The following CLVS1 variants were observed in gnomAD, a reference collection of about 807,000 sequenced individuals.
The protein encoded by CLVS1 is clavesin-1.
CLVS1 carries 10 observed loss-of-function variants against 33.1 expected under a neutral mutation model. The ratio of observed to expected loss-of-function variants is 0.30; its 90% CI spans 0.19 to 0.51. The LOEUF is 0.51. CLVS1 is among the 20% of genes least tolerant of loss of function. CLVS1 has a pLI of 0.97. For synonymous variants in CLVS1, 163 were observed against 166.1 expected, an observed-to-expected ratio of 0.98 and a Z score of 0.14; for missense variants, 343 against 433.4, an observed-to-expected ratio of 0.79 and a Z score of 1.85.
chr8:61,088,935 G>A (rs779061490), intron 1 of CLVS1, among the ~76,000 whole-genome samples: 5 of 151,832 alleles, frequency 3.3e-5, no homozygotes, highest in Non-Finnish European at 7.4e-5. Context: ...CCAAGTAGCT[G>A]GGACTACAGG....
intron 3 of CLVS1, among the ~76,000 whole-genome samples, chr8:61,386,764 A>T (rs1814101897): frequency 6.6e-6 from 1 of 152,218 alleles, no homozygotes; most frequent in South Asian, 2.1e-4. Flanking sequence ...GATGATGGTA[A>T]TGATGATCAT....
At position 61,068,245 on chromosome 8, in the gene CLVS1, A is replaced by ATG. The variant is rs536032046; in HGVS notation, c.-243+11016_-243+11017insGT. 3.4e-3 allele frequency among the ~76,000 whole-genome samples: 501 copies of ATG among 146,864 alleles called. 7 individuals carry two copies. Among genetic ancestry groups the ATG allele is most frequent in the African/African-American group, 0.012 (464 of 39,886 alleles). The stretch of plus-strand genomic sequence containing the variant: ...TATGTATGTGTATATATATATATAT[A>ATG]TATGTATATATATACATACATACAC... On this transcript the variant is annotated intron_variant, in intron 1 of 2. Transcript: ENST00000522621.
chr8:61,295,403 T>C (rs1179306034), intron 1 of CLVS1, among the ~76,000 whole-genome samples: 1 of 152,074 alleles, frequency 6.6e-6, no homozygotes, highest in Non-Finnish European at 1.5e-5. Context: ...CAAAAATTAG[T>C]GAATGCTGGA....
chr8:61,312,029 G>C (rs979377506), intron 2 of CLVS1, among the ~76,000 whole-genome samples: 3 of 152,232 alleles, frequency 2.0e-5, no homozygotes, highest in African/African-American at 7.2e-5. Flanking sequence ...CTGAATGAAT[G>C]CATTGCAAGT....
At chr8:61,214,040 C>G (rs1046881220) in intron 2 of CLVS1, among the ~76,000 whole-genome samples, 1 of 152,174 alleles carries the variant, frequency 6.6e-6, no homozygotes, top group East Asian at 1.9e-4. Context: ...AGACCCCAGT[C>G]TCCCATAGCG....
chr8:61,345,651 T>A (rs2129598540), intron 2 of CLVS1, among the ~76,000 whole-genome samples: 2 of 151,838 alleles, frequency 1.3e-5, no homozygotes, highest in Non-Finnish European at 2.9e-5. Flanking sequence ...TGTGTGTGTG[T>A]GTGTGTGTGT....
the CLVS1 span, among the ~76,000 whole-genome samples, chr8:61,032,375 C>T: frequency 5.9e-4 from 90 of 152,314 alleles, no homozygotes; most frequent in Non-Finnish European, 4.6e-4. Context: ...AGAATGGACA[C>T]GCTAACAAAC....
chr8:61,219,767 A>T (rs1808170566), intron 2 of CLVS1, among the ~76,000 whole-genome samples: 1 of 152,228 alleles, frequency 6.6e-6, no homozygotes, highest in South Asian at 2.1e-4. Flanking sequence ...TACCACCAAC[A>T]GTGTAAAGGT....
rs144030988 is a variant in CLVS1, at chr8:61,246,273, G to A, written c.-151-53404G>A. On this transcript the variant is annotated intron_variant, in intron 2 of 2. Coordinates refer to the CLVS1 transcript ENST00000522621. ...GAACCTCTGCCTCCCAGGTTCAAGC[G>A]ATTCTCCTGCCTCAGCCTCCCAAGT... 4.0e-3 allele frequency among the ~76,000 whole-genome samples: 557 copies of A among 138,698 alleles called. 1 individual carries two copies. Among genetic ancestry groups the A allele is most frequent in the African/African-American group, 0.012 (455 of 36,630 alleles). 91.0% of individuals were successfully genotyped at this position (138,698 alleles called of 152,430 possible).
At chr8:61,487,315 A>T (rs1803921474) in intron 5 of CLVS1, among the ~76,000 whole-genome samples, 1 of 152,264 alleles carries the variant, frequency 6.6e-6, no homozygotes, top group Non-Finnish European at 1.5e-5. Flanking sequence ...GATTTAAAAA[A>T]TATATTTAAA....
chr8:60,964,948 G>A, the CLVS1 span: 1 of 152,208 alleles, frequency 6.6e-6, no homozygotes, highest in African/African-American at 2.4e-5. Flanking sequence ...GCCTTACTCT[G>A]AGAGGGAAAT....
intron 3 of CLVS1, among the ~76,000 whole-genome samples, chr8:61,443,559 G>A (rs71525452): frequency 0.082 from 12,449 of 152,034 alleles, 535 homozygotes; most frequent in Non-Finnish European, 0.089. Context: ...GCATTTGTGT[G>A]ATTCTATTCT....
intron 2 of CLVS1, chr8:61,274,137 C>G (rs1406722426): frequency 6.6e-6 from 1 of 152,200 alleles, no homozygotes; most frequent in Non-Finnish European, 1.5e-5. Flanking sequence ...ATATTTTAAA[C>G]ATTTCACATG....
chr8:61,166,030 C>CG (rs1806855822), intron 2 of CLVS1, among the ~76,000 whole-genome samples: 1 of 33,934 alleles, frequency 2.9e-5, no homozygotes, highest in African/African-American at 7.5e-5. Flanking sequence ...AGCATCTAAG[C>CG]GTTTTTTTTT....
At chr8:61,108,689 G>T (rs528472994) in intron 1 of CLVS1, among the ~76,000 whole-genome samples, 1 of 152,234 alleles carries the variant, frequency 6.6e-6, no homozygotes, top group African/African-American at 2.4e-5. Context: ...TGACTTTATT[G>T]TTTCTTCCAG....
the CLVS1 span, among the ~76,000 whole-genome samples, chr8:60,975,980 C>T: frequency 6.6e-6 from 1 of 152,200 alleles, no homozygotes; most frequent in Non-Finnish European, 1.5e-5. Flanking sequence ...CCGGGGGCTT[C>T]TCTGCCCTGA....
At position 61,186,600 on chromosome 8, in the gene CLVS1, C is replaced by T. The variant is rs558787651; in HGVS notation, c.-152+54740C>T. On this transcript the variant is annotated intron_variant, in intron 2 of 2. Transcript: ENST00000522621. ...GGTTTTGCTAGGTGGAAAGTATATA[C>T]GAGAACAATGAAGAATGGGCACTAT... Among the ~76,000 whole-genome samples the T allele has an allele frequency of 1.5e-4, 22 of 149,540 alleles. No homozygotes were observed. In the South Asian group the frequency reaches 3.8e-3, roughly 26 times the overall value.
At chr8:61,495,075 C>T (rs1233219618) in intron 5 of CLVS1, among the ~76,000 whole-genome samples, 1 of 152,162 alleles carries the variant, frequency 6.6e-6, no homozygotes, top group Non-Finnish European at 1.5e-5. Flanking sequence ...TCTGTGCTGC[C>T]AGTACATCTA....
At chr8:61,044,800 G>A in the CLVS1 span, among the ~76,000 whole-genome samples, 1 of 152,192 alleles carries the variant, frequency 6.6e-6, no homozygotes, top group African/African-American at 2.4e-5. Context: ...GATTAGGTAA[G>A]AATATGCATG....
Sources: allele counts gnomAD v4.1 joint callset (sites outside exome capture counted in the v4.1 genomes callset), GRCh38; gene constraint gnomAD v4.1.1; transcripts MANE v1.5; gene names NCBI Gene and HGNC (gene_info 2026-07-23, HGNC 2026-07-21).